ZEB2: variants seen among roughly 807,000 people sequenced by gnomAD.
ZEB2 encodes zinc finger E-box binding homeobox 2, also known as zinc finger E-box-binding homeobox 2.
In ZEB2, 6 loss-of-function variants were observed where a neutral mutation model predicts 99.9. The ratio of observed to expected loss-of-function variants is 0.06; its 90% CI spans 0.03 to 0.12. ZEB2 has a LOEUF of 0.12. ZEB2 is among the 10% of genes least tolerant of loss of function. The pLI is 1.00. For synonymous variants in ZEB2, 517 were observed against 542.5 expected (o/e 0.95, Z 0.65); for missense variants, 969 against 1,502.8 (o/e 0.64, Z 5.87).
Position 144,404,083 on chromosome 2 carries a change from G to A in ZEB2, c.640C>T (p.Pro214Ser). The change falls in exon 6 of 10, where the codon CCC becomes TCC. Residue 214 changes from proline to serine, a missense_variant. Around this residue, in one of 8 missense-constraint regions of ZEB2, gnomAD observed 65 missense variants for 147.7 expected, o/e 0.44. Transcript: ENST00000627532. Reference protein sequence around the residue: ...PDAFAQLLTCPYCDRGYKRLT... With the variant: ...PDAFAQLLTCSYCDRGYKRLT... Reference sequence around the variant, plus strand: ...CGCTTGTAGCCCCGGTCGCAGTAGGGGCAGGTCAGCAGTTGGGCAAAAGCA... The same window carrying A: ...CGCTTGTAGCCCCGGTCGCAGTAGGAGCAGGTCAGCAGTTGGGCAAAAGCA... 1 of 1,614,112 alleles carries A rather than the reference G, an allele frequency of 6.2e-7. No individual in the cohort carries two copies. Among genetic ancestry groups the A allele is most frequent in the Non-Finnish European group, 8.5e-7 (1 of 1,180,026 alleles).
intron 2 of ZEB2, among the ~76,000 whole-genome samples, chr2:144,460,201 G>A (rs972491511): frequency 2.6e-5 from 4 of 152,160 alleles, no homozygotes; most frequent in African/African-American, 7.2e-5. Context: ...CTGGGGAAGA[G>A]TGATTAAACC....
intron 9 of ZEB2, among the ~76,000 whole-genome samples, chr2:144,393,780 A>C (rs1015765175): frequency 6.6e-6 from 1 of 152,224 alleles, no homozygotes; most frequent in African/African-American, 2.4e-5. Flanking sequence ...AGCCAACAGG[A>C]AGATAATTAA....
chr2:144,403,805 G>A (rs1237715785), intron 6 of ZEB2, 111 bp downstream of exon 6: 68 of 1,376,982 alleles, frequency 4.9e-5, no homozygotes, highest in Non-Finnish European at 6.6e-5. Flanking sequence ...ACCATTAAAA[G>A]ATCTGCATCT....
intron 3 of ZEB2, chr2:144,426,476 G>A (rs990577340): frequency 2.7e-5 from 4 of 150,922 alleles, no homozygotes; most frequent in Non-Finnish European, 4.4e-5. Flanking sequence ...AGCACATCAA[G>A]TCACTGAGGG....
chr2:144,504,086 AAAAAAAAACAAC>A (rs201944715), intron 2 of ZEB2: 68,967 of 127,942 alleles, frequency 0.54, 21,357 homozygotes, highest in Non-Finnish European at 0.68. Flanking sequence ...TTAGAAAAAA[AAAAAAAAACAAC>A]AAAAAAAACA....
At position 144,442,877 on chromosome 2, in the gene ZEB2, T is replaced by C. The variant is rs189954238; in HGVS notation, c.74-12851A>G. On this transcript the variant is annotated intron_variant, in intron 2 of 9. Coordinates refer to ENST00000627532, the MANE Select transcript of ZEB2 (RefSeq NM_014795.4). ...ATACATTGCGTGGCACAGAAAGCAT[T>C]TTGGAGTATTGTAACATAGTTGCAC... 1.8e-3 allele frequency among the ~76,000 whole-genome samples: 278 copies of C among 152,268 alleles called. 3 individuals are homozygous for C. Among genetic ancestry groups the C allele is most frequent in the Non-Finnish European group, 2.7e-3 (184 of 67,990 alleles).
intron 2 of ZEB2, chr2:144,511,431 CT>C (rs1573814197): frequency 1.6e-6 from 2 of 1,242,252 alleles, no homozygotes; most frequent in Non-Finnish European, 2.1e-6. Context: ...ACTAGTTACA[CT>C]TTTCCTGAGA....
intron 7 of ZEB2, among the ~76,000 whole-genome samples, chr2:144,400,533 C>A (rs908633545): frequency 6.6e-6 from 1 of 152,200 alleles, no homozygotes; most frequent in African/African-American, 2.4e-5. Flanking sequence ...TGTCTGCCAT[C>A]GGCAGCCTCC....
At chr2:144,478,813 C>T (rs569912521) in intron 2 of ZEB2, among the ~76,000 whole-genome samples, 21 of 152,278 alleles carry the variant, frequency 1.4e-4, no homozygotes, top group African/African-American at 5.1e-4. Flanking sequence ...TATATTTATA[C>T]TCCTGTGTGA....
chr2:144,480,235 C>T (rs1704491418), intron 2 of ZEB2, among the ~76,000 whole-genome samples: 1 of 152,028 alleles, frequency 6.6e-6, no homozygotes, highest in Non-Finnish European at 1.5e-5. Context: ...ATTTAAATTC[C>T]ATGGTTCCAT....
At chr2:144,474,824 T>C (rs1028086995) in intron 2 of ZEB2, among the ~76,000 whole-genome samples, 4 of 152,208 alleles carry the variant, frequency 2.6e-5, no homozygotes, top group African/African-American at 9.6e-5. Context: ...TTCAATACAT[T>C]AGTAAATTTT....
chr2:144,517,358 A>G lies in ZEB2; in HGVS notation c.-8T>C, dbSNP rs768111755. The G allele has an allele frequency of 3.1e-6, 5 of 1,613,440 alleles. No individual in the cohort carries two copies. Among genetic ancestry groups the G allele is most frequent in the Non-Finnish European group, 4.2e-6 (5 of 1,179,834 alleles). ...CATGATCGGCTGCTTCATTGATAAG[A>G]GCGGATCAGATGGCAGTTCGCATGG... On this transcript the variant is annotated 5_prime_UTR_variant, in exon 2 of 10. Transcript: ENST00000627532.
intron 2 of ZEB2, chr2:144,463,115 A>T (rs965391705): frequency 6.6e-6 from 1 of 152,240 alleles, no homozygotes; most frequent in Non-Finnish European, 1.5e-5. Flanking sequence ...CCTTCTGAGC[A>T]GTTGGACTAT....
At chr2:144,476,155 T>C (rs986416235) in intron 2 of ZEB2, among the ~76,000 whole-genome samples, 6 of 152,210 alleles carry the variant, frequency 3.9e-5, no homozygotes, top group Middle Eastern at 3.2e-3. Context: ...CTTATCTTTT[T>C]TTTTTCTTGC....
chr2:144,472,417 T>C (rs898670820), intron 2 of ZEB2, among the ~76,000 whole-genome samples: 29 of 152,260 alleles, frequency 1.9e-4, no homozygotes, highest in Non-Finnish European at 2.5e-4. Flanking sequence ...AAGGATAATA[T>C]GGCATACAGC....
intron 2 of ZEB2, among the ~76,000 whole-genome samples, chr2:144,485,963 G>A (rs917461618): frequency 5.3e-5 from 8 of 152,128 alleles, no homozygotes; most frequent in Non-Finnish European, 1.0e-4. Context: ...AAAAGGAATC[G>A]GTGATTTTAA....
rs574071460 is a variant in ZEB2 at position 144,384,119 on chromosome 2, C to T, written c.*5332G>A. The T allele has an allele frequency of 6.6e-6, 1 of 152,156 alleles. No individual in the cohort carries two copies. The highest frequency in any genetic ancestry group is 1.5e-5 in the Non-Finnish European group (1 of 68,018). 9.4% of individuals were successfully genotyped at this position (152,156 alleles called of 1,614,324 possible). On this transcript the variant is annotated 3_prime_UTR_variant, in exon 10 of 10. Transcript: ENST00000627532. Reference sequence around the variant, plus strand: ...CTTTAATCTTCATGTATTTTTTACTCATCATTTTCTTTGACTAAAATTATT... The same window carrying T: ...CTTTAATCTTCATGTATTTTTTACTTATCATTTTCTTTGACTAAAATTATT...
chr2:144,462,355 G>C (rs1236883219), intron 2 of ZEB2: 1 of 151,950 alleles, frequency 6.6e-6, no homozygotes, highest in Admixed American at 6.6e-5. Context: ...ACAAAAGAAG[G>C]CCCTTGGTGA....
At chr2:144,493,191 G>A (rs899920486) in intron 2 of ZEB2, among the ~76,000 whole-genome samples, 2 of 152,056 alleles carry the variant, frequency 1.3e-5, no homozygotes, top group Admixed American at 6.5e-5. Context: ...TCAGGCTACG[G>A]TTATTGTTTC....
Sources: allele counts gnomAD v4.1 joint callset (sites outside exome capture counted in the v4.1 genomes callset), GRCh38; gene constraint gnomAD v4.1.1; regional missense constraint gnomAD v4.1.1; transcripts MANE v1.5; gene names NCBI Gene and HGNC (gene_info 2026-07-23, HGNC 2026-07-21).